Variants in CCDC148 observed in about 807,000 individuals in gnomAD.
The protein encoded by CCDC148 is coiled-coil domain-containing protein 148.
CCDC148 carries 89 observed loss-of-function variants against 85.7 expected under a neutral mutation model. The observed-to-expected ratio is 1.04, with a 90% CI of 0.87 to 1.24. The LOEUF (loss-of-function observed/expected upper bound fraction) is 1.24, where lower values mean the gene tolerates loss of function less well. Ranked by LOEUF, CCDC148 falls within the 50% of genes most tolerant of loss-of-function variation. CCDC148 has a pLI of 0.00. For synonymous variants in CCDC148, 230 were observed against 213.9 expected, an observed-to-expected ratio of 1.08 and a Z score of -0.66; for missense variants, 692 against 671.7, an observed-to-expected ratio of 1.03 and a Z score of -0.33.
chr2:158,320,535 ATTC>A (rs2105220330), intron 7 of CCDC148, among the ~76,000 whole-genome samples: 1 of 152,308 alleles, frequency 6.6e-6, no homozygotes, highest in South Asian at 2.1e-4. Flanking sequence ...AGGTGTTAAA[ATTC>A]TTCTCATGTT....
At chr2:158,360,688 C>A (rs1683902332) in intron 1 of CCDC148, among the ~76,000 whole-genome samples, 1 of 152,080 alleles carries the variant, frequency 6.6e-6, no homozygotes, top group Non-Finnish European at 1.5e-5. Flanking sequence ...CATCAAAGAC[C>A]AAAGATAGAT....
At chr2:158,236,050 G>A (rs1024247226) in intron 10 of CCDC148, 1 of 152,270 alleles carries the variant, frequency 6.6e-6, no homozygotes, top group Non-Finnish European at 1.5e-5. Context: ...AGAGCAGAAT[G>A]GAGAGTGATA....
chr2:158,353,354 T>C (rs576332479), intron 2 of CCDC148, among the ~76,000 whole-genome samples: 276 of 149,998 alleles, frequency 1.8e-3, no homozygotes, highest in Non-Finnish European at 3.3e-3. Context: ...GACACACACA[T>C]AGGCTGAAAA....
At chr2:158,395,059 T>G (rs368778104) in intron 1 of CCDC148, among the ~76,000 whole-genome samples, 65 of 152,266 alleles carry the variant, frequency 4.3e-4, no homozygotes, top group Non-Finnish European at 9.0e-4. Flanking sequence ...AGATAATAGT[T>G]TTATTTTAGA....
At chr2:158,266,641 A>G (rs1689466898) in intron 9 of CCDC148, among the ~76,000 whole-genome samples, 1 of 151,964 alleles carries the variant, frequency 6.6e-6, no homozygotes, top group Non-Finnish European at 1.5e-5. Context: ...TTTCTCCCTG[A>G]GCCCCAAAGT....
At chr2:158,396,605 T>C (rs887213037) in intron 1 of CCDC148, among the ~76,000 whole-genome samples, 1 of 152,106 alleles carries the variant, frequency 6.6e-6, no homozygotes, top group Non-Finnish European at 1.5e-5. Flanking sequence ...TTCTCCATGT[T>C]ACTACTCAGG....
At chr2:158,378,017 T>A (rs77432849) in intron 1 of CCDC148, among the ~76,000 whole-genome samples, 26,885 of 152,082 alleles carry the variant, frequency 0.18, 3,090 homozygotes, top group Middle Eastern at 0.26. Flanking sequence ...TAGTACATCT[T>A]TAACTTAGAA....
chr2:158,313,430 C>A (rs1380382023), intron 8 of CCDC148, among the ~76,000 whole-genome samples: 6 of 152,156 alleles, frequency 3.9e-5, no homozygotes, highest in Non-Finnish European at 8.8e-5. Context: ...GATGGTAAAG[C>A]CCCTGAAGGT....
At chr2:158,375,845 T>C (rs1364113754) in intron 1 of CCDC148, among the ~76,000 whole-genome samples, 3 of 152,150 alleles carry the variant, frequency 2.0e-5, no homozygotes, top group Non-Finnish European at 2.9e-5. Context: ...AGTATTAAGA[T>C]GAAAGATTCA....
intron 2 of CCDC148, among the ~76,000 whole-genome samples, chr2:158,351,284 C>T (rs918950138): frequency 2.6e-5 from 4 of 152,196 alleles, no homozygotes; most frequent in East Asian, 1.9e-4. Flanking sequence ...GCGTGAGTGA[C>T]GCAGAAGACG....
At chr2:158,435,550 T>A (rs1002637735) in intron 1 of CCDC148, among the ~76,000 whole-genome samples, 4 of 152,138 alleles carry the variant, frequency 2.6e-5, no homozygotes, top group African/African-American at 9.7e-5. Context: ...CCATCAATGC[T>A]AGGAAGAAAC....
chr2:158,276,415 C>G (rs1376553258), intron 9 of CCDC148, among the ~76,000 whole-genome samples: 1 of 152,018 alleles, frequency 6.6e-6, no homozygotes. Context: ...GCCTGGGAGA[C>G]AAAGTGAGAC....
rs776523193 is a variant in CCDC148, at chr2:158,313,853, G to T, written c.806C>A (p.Ala269Asp). Residue 269 changes from alanine to aspartate, a missense_variant, in exon 8 of 14, where the codon GCT becomes GAT. Transcript: ENST00000283233. ...LSEEDHWIYQ[A>D]ILDQYPGDLF... ...ATCTCCAGGGTACTGATCCAAAATA[G>T]CCTGGTAAATCCAGTGGTCTTCTTC... is the stretch of plus-strand genomic sequence containing the variant. The T allele has an allele frequency of 6.2e-7, 1 of 1,613,774 alleles. No individual in the cohort carries two copies. The highest frequency in any genetic ancestry group is 8.5e-7 in the Non-Finnish European group (1 of 1,179,814).
intron 8 of CCDC148, among the ~76,000 whole-genome samples, chr2:158,311,364 G>C (rs11680761): frequency 6.6e-6 from 1 of 152,234 alleles, no homozygotes; most frequent in Admixed American, 6.5e-5. Flanking sequence ...CCATGCACTC[G>C]GCAGGCTGAG....
chr2:158,398,812 T>C (rs1685643910), intron 1 of CCDC148, among the ~76,000 whole-genome samples: 1 of 152,072 alleles, frequency 6.6e-6, no homozygotes, highest in Admixed American at 6.6e-5. Flanking sequence ...CAAAAAACCC[T>C]TCAAAAATAT....
chr2:158,186,648 C>T (rs778737965), intron 11 of CCDC148, among the ~76,000 whole-genome samples: 11 of 151,968 alleles, frequency 7.2e-5, no homozygotes, highest in Admixed American at 5.9e-4. Context: ...TTTCAGATAC[C>T]GTCTTTTTTT....
intron 9 of CCDC148, among the ~76,000 whole-genome samples, chr2:158,253,788 A>C (rs1324826748): frequency 6.6e-6 from 1 of 151,736 alleles, no homozygotes; most frequent in Non-Finnish European, 1.5e-5. Context: ...TTTCATATTA[A>C]CAATTAATGG....
chr2:158,387,805 G>C (rs1028029095), intron 1 of CCDC148, among the ~76,000 whole-genome samples: 4 of 152,090 alleles, frequency 2.6e-5, no homozygotes, highest in Admixed American at 2.6e-4. Flanking sequence ...CCCCCACCTT[G>C]CTTGTGCTCT....
At chr2:158,203,625 G>C (rs1686081258) in intron 11 of CCDC148, among the ~76,000 whole-genome samples, 1 of 151,920 alleles carries the variant, frequency 6.6e-6, no homozygotes, top group Admixed American at 6.6e-5. Context: ...GTTTCACATG[G>C]TCTCAAACAA....
Sources: gnomAD v4.1 joint callset for allele counts (sites outside exome capture counted in the v4.1 genomes callset) on GRCh38, gnomAD v4.1.1 for gene constraint, MANE v1.5 for transcripts, NCBI Gene and HGNC (gene_info 2026-07-23, HGNC 2026-07-21) for gene names.